The following NCAM2 variants were observed in gnomAD, a reference collection of about 807,000 sequenced individuals.
NCAM2 encodes N-CAM-2.
NCAM2 carries 30 observed loss-of-function variants against 98.1 expected under a neutral mutation model. The ratio of observed to expected loss-of-function variants is 0.31; its 90% confidence interval spans 0.23 to 0.41. The LOEUF (loss-of-function observed/expected upper bound fraction) is 0.41, where lower values mean the gene tolerates loss of function less well. NCAM2 is among the 10% of genes least tolerant of loss of function. The pLI is 1.00. For synonymous variants in NCAM2, 368 were observed against 342.4 expected (o/e 1.07, Z -0.83); for missense variants, 867 against 1,005.8 (o/e 0.86, Z 1.87).
chr21:21,354,875 A>C (rs2147959619), intron 8 of NCAM2, among the ~76,000 whole-genome samples: 1 of 152,340 alleles, frequency 6.6e-6, no homozygotes, highest in South Asian at 2.1e-4. Context: ...CTGAATAAAT[A>C]AAACAGCGGG....
intron 1 of NCAM2, among the ~76,000 whole-genome samples, chr21:21,163,326 C>T (rs1052257822): frequency 6.6e-6 from 1 of 152,082 alleles, no homozygotes; most frequent in South Asian, 2.1e-4. Flanking sequence ...AGAAGGGAGG[C>T]TCTAGAGGGA....
rs552969614 is a variant in NCAM2, at chr21:21,250,084, C to A, written c.56-30494C>A. Among the ~76,000 whole-genome samples, 9 of 152,272 alleles carry A rather than the reference C, an allele frequency of 5.9e-5. No homozygotes were observed. In the East Asian group the frequency reaches 1.5e-3, roughly 26 times the overall value. ...TGTGCCTAAGTGATAGCTAATATATCTTCCTCCCAGGTAGTATTTAGCTTG... is the reference window on the plus strand; with the variant it reads ...TGTGCCTAAGTGATAGCTAATATATATTCCTCCCAGGTAGTATTTAGCTTG... On this transcript the variant is annotated intron_variant, in intron 1 of 17. Coordinates refer to ENST00000400546, the MANE Select transcript of NCAM2 (RefSeq NM_004540.5).
At chr21:21,053,738 T>A (rs760152875) in intron 1 of NCAM2, among the ~76,000 whole-genome samples, 3 of 151,622 alleles carry the variant, frequency 2.0e-5, no homozygotes, top group African/African-American at 7.3e-5. Context: ...CATTTTGCGT[T>A]TTGTTATGGT....
chr21:21,294,148 AC>A (rs2073393571), intron 5 of NCAM2, among the ~76,000 whole-genome samples: 1 of 150,928 alleles, frequency 6.6e-6, no homozygotes, highest in Non-Finnish European at 1.5e-5. Context: ...TTTTGCACCA[AC>A]CTAATATTTT....
intron 1 of NCAM2, among the ~76,000 whole-genome samples, chr21:21,022,447 A>G (rs1022933926): frequency 6.6e-5 from 10 of 152,072 alleles, no homozygotes; most frequent in African/African-American, 2.4e-4. Flanking sequence ...TAATTTTTGC[A>G]TGGCTTTAAA....
At chr21:21,212,792 G>A (rs1312406975) in intron 1 of NCAM2, among the ~76,000 whole-genome samples, 2 of 148,552 alleles carry the variant, frequency 1.3e-5, no homozygotes, top group Non-Finnish European at 3.0e-5. Context: ...GCCCAGGCTG[G>A]AGTGCAGTGG....
chr21:21,411,340 T>C (rs2076884162), intron 10 of NCAM2, among the ~76,000 whole-genome samples: 2 of 150,434 alleles, frequency 1.3e-5, no homozygotes, highest in Non-Finnish European at 3.0e-5. Flanking sequence ...AGCTTTTTTT[T>C]CTTTTCAGTC....
intron 1 of NCAM2, among the ~76,000 whole-genome samples, chr21:21,155,438 T>C (rs1377812839): frequency 2.0e-5 from 3 of 151,772 alleles, no homozygotes; most frequent in African/African-American, 7.2e-5. Context: ...ATTCTTTCTT[T>C]TTCCTTTTAT....
intron 1 of NCAM2, among the ~76,000 whole-genome samples, chr21:21,224,973 G>A (rs1264861873): frequency 6.6e-6 from 1 of 152,000 alleles, no homozygotes; most frequent in Non-Finnish European, 1.5e-5. Flanking sequence ...TTTTGCAGAG[G>A]ACTTAGAAGT....
chr21:21,426,802 G>C (rs2077223842), intron 11 of NCAM2, among the ~76,000 whole-genome samples: 1 of 152,066 alleles, frequency 6.6e-6, no homozygotes, highest in Non-Finnish European at 1.5e-5. Context: ...TTTCATTCTA[G>C]GTTCACTACA....
At chr21:21,007,580 T>C (rs2064134747) in intron 1 of NCAM2, among the ~76,000 whole-genome samples, 1 of 152,154 alleles carries the variant, frequency 6.6e-6, no homozygotes, top group Non-Finnish European at 1.5e-5. Context: ...CTCTCCTTTT[T>C]AGATGATATA....
At chr21:21,435,836 T>C (rs1241904222) in intron 12 of NCAM2, among the ~76,000 whole-genome samples, 1 of 152,220 alleles carries the variant, frequency 6.6e-6, no homozygotes, top group African/African-American at 2.4e-5. Flanking sequence ...TCTCACTTTA[T>C]ATATAAAATC....
chr21:21,171,804 G>A (rs2826716), intron 1 of NCAM2, among the ~76,000 whole-genome samples: 48,530 of 151,800 alleles, frequency 0.32, 9,044 homozygotes, highest in Non-Finnish European at 0.44. Flanking sequence ...ACTCGAGAAT[G>A]CTAATGGGGA....
At chr21:21,420,195 G>A (rs2077082502) in intron 11 of NCAM2, among the ~76,000 whole-genome samples, 1 of 152,030 alleles carries the variant, frequency 6.6e-6, no homozygotes, top group African/African-American at 2.4e-5. Context: ...ATAGAAAATT[G>A]AAGGTTACAT....
At chr21:21,356,615 A>T in intron 8 of NCAM2, among the ~76,000 whole-genome samples, 1 of 152,146 alleles carries the variant, frequency 6.6e-6, no homozygotes, top group Non-Finnish European at 1.5e-5. Flanking sequence ...TACTAACCCC[A>T]ATTCACTTAA....
chr21:21,061,316 T>C (rs955066027), intron 1 of NCAM2, among the ~76,000 whole-genome samples: 4 of 152,320 alleles, frequency 2.6e-5, no homozygotes, highest in African/African-American at 9.6e-5. Context: ...ACAACGTGGC[T>C]GCTATAAACA....
intron 9 of NCAM2, among the ~76,000 whole-genome samples, chr21:21,402,405 G>A (rs909444703): frequency 3.3e-5 from 5 of 152,104 alleles, no homozygotes; most frequent in Non-Finnish European, 7.4e-5. Flanking sequence ...CCCTCAGGCT[G>A]ACTAGGATTG....
At chr21:21,385,371 A>AACACACACAC (rs543136137) in intron 9 of NCAM2, among the ~76,000 whole-genome samples, 22,387 of 110,036 alleles carry the variant, frequency 0.2, 2,099 homozygotes, top group Non-Finnish European at 0.27. Flanking sequence ...CACAATGTTA[A>AACACACACAC]ACACACACAC....
intron 1 of NCAM2, among the ~76,000 whole-genome samples, chr21:21,267,720 A>G (rs1449502227): frequency 6.6e-6 from 1 of 152,178 alleles, no homozygotes; most frequent in African/African-American, 2.4e-5. Context: ...AGGAAGAGTT[A>G]CTATTACAGC....
Sources: gnomAD v4.1 joint callset for allele counts (sites outside exome capture counted in the v4.1 genomes callset) on GRCh38, gnomAD v4.1.1 for gene constraint, MANE v1.5 for transcripts, NCBI Gene and HGNC (gene_info 2026-07-23, HGNC 2026-07-21) for gene names.